NDUFAF6: variants seen among roughly 807,000 people sequenced by gnomAD.
The protein encoded by NDUFAF6 is NADH dehydrogenase (ubiquinone) complex I, assembly factor 6.
In NDUFAF6, 45 loss-of-function variants were observed where a neutral mutation model predicts 40.8. That is an observed-to-expected ratio of 1.10 (90% confidence interval 0.87 to 1.42). NDUFAF6 has a LOEUF of 1.42. Ranked by LOEUF, NDUFAF6 falls within the 40% of genes most tolerant of loss-of-function variation. The pLI is 0.00. For missense variants in NDUFAF6, 435 were observed against 418.5 expected, an observed-to-expected ratio of 1.04 and a Z score of -0.34; for synonymous variants, 185 against 155.9, an observed-to-expected ratio of 1.19 and a Z score of -1.39.
chr8:94,978,536 T>A (rs1331470503), intron 1 of NDUFAF6, among the ~76,000 whole-genome samples: 1 of 151,986 alleles, frequency 6.6e-6, no homozygotes, highest in Non-Finnish European at 1.5e-5. Context: ...GGCAACACAG[T>A]GAGACCCCAT....
intron 1 of NDUFAF6, among the ~76,000 whole-genome samples, chr8:94,932,784 A>C (rs1586699030): frequency 6.6e-6 from 1 of 151,454 alleles, no homozygotes; most frequent in African/African-American, 2.4e-5. Context: ...GCCTGGGCGA[A>C]GGAGCGAGAC....
intron 2 of NDUFAF6, among the ~76,000 whole-genome samples, chr8:94,952,873 G>T (rs116183732): frequency 6.6e-6 from 1 of 152,184 alleles, no homozygotes; most frequent in Admixed American, 6.5e-5. Context: ...AAAAGGAGGC[G>T]GGCCCCCTTC....
rs1323012330 is a variant in NDUFAF6 at position 94,967,977 on chromosome 8, A to G, written c.-199+9798A>G. ...AAAAAAGTCAGCTGGGGCTACAGTCATCTTAAGGCCAACCAGGGGAGGATT... is the reference window on the plus strand; with the variant it reads ...AAAAAAGTCAGCTGGGGCTACAGTCGTCTTAAGGCCAACCAGGGGAGGATT... On this transcript the variant is annotated intron_variant, in intron 1 of 9. Transcript: ENST00000396111. Among the ~76,000 whole-genome samples, 3 of 150,524 alleles carry G rather than the reference A, an allele frequency of 2.0e-5. No homozygotes were observed. The East Asian group carries it at 5.8e-4, about 29-fold the overall frequency.
Position 95,052,378 on chromosome 8 carries a change from G to C in NDUFAF6, c.873+148G>C, listed in dbSNP as rs924358058. ...CTCATGGCGGCTTTCATTAGTTACT[G>C]ATGCTTTTGCTGAGGGCCATTTCTG... On this transcript the variant is annotated intron_variant, in intron 8 of 8. Transcript: ENST00000396124. The C allele has an allele frequency of 1.2e-5, 10 of 852,426 alleles. No individual in the cohort carries two copies. In the African/African-American group the frequency reaches 1.2e-4, roughly 10 times the overall value. 52.8% of individuals were successfully genotyped at this position (852,426 alleles called of 1,614,324 possible).
intron 2 of NDUFAF6, among the ~76,000 whole-genome samples, chr8:94,999,617 A>G (rs1405796776): frequency 6.7e-6 from 1 of 150,258 alleles, no homozygotes; most frequent in Non-Finnish European, 1.5e-5. Context: ...GGGTTTTGCT[A>G]TGTTGGCCAG....
At chr8:94,922,901 A>G (rs1819601845) in intron 1 of NDUFAF6, among the ~76,000 whole-genome samples, 1 of 152,194 alleles carries the variant, frequency 6.6e-6, no homozygotes, top group East Asian at 1.9e-4. Context: ...GTTGCACACA[A>G]AAGAATTGCC....
intron 2 of NDUFAF6, among the ~76,000 whole-genome samples, chr8:95,094,274 G>C (rs1809364297): frequency 6.6e-6 from 1 of 151,892 alleles, no homozygotes; most frequent in African/African-American, 2.4e-5. Flanking sequence ...ACCCGACCAA[G>C]AAATACTTCC....
chr8:94,992,447 A>C (rs548677480), intron 2 of NDUFAF6, among the ~76,000 whole-genome samples: 10 of 152,276 alleles, frequency 6.6e-5, no homozygotes, highest in Non-Finnish European at 1.3e-4. Flanking sequence ...AGATTGCACC[A>C]CTGTACTCCA....
chr8:95,027,359 G>A (rs1255754861), intron 1 of NDUFAF6, among the ~76,000 whole-genome samples: 1 of 151,920 alleles, frequency 6.6e-6, no homozygotes, highest in Non-Finnish European at 1.5e-5. Flanking sequence ...AGGGAGGATT[G>A]CTTGAGCCTA....
At chr8:94,904,942 G>A (rs909690395) in intron 1 of NDUFAF6, among the ~76,000 whole-genome samples, 1 of 152,164 alleles carries the variant, frequency 6.6e-6, no homozygotes, top group Non-Finnish European at 1.5e-5. Context: ...GCTCATGCCT[G>A]TAATCCCAGC....
chr8:94,989,290 A>G (rs1344068883), intron 2 of NDUFAF6: 1 of 152,238 alleles, frequency 6.6e-6, no homozygotes, highest in African/African-American at 2.4e-5. Flanking sequence ...TTATTTTTAA[A>G]CTTAATTATT....
At chr8:94,906,681 TC>T (rs889770658) in intron 1 of NDUFAF6, among the ~76,000 whole-genome samples, 2 of 152,218 alleles carry the variant, frequency 1.3e-5, no homozygotes, top group African/African-American at 4.8e-5. Context: ...AGAGGGAGTG[TC>T]CTGGTTTAAG....
intron 2 of NDUFAF6, among the ~76,000 whole-genome samples, chr8:94,998,697 TGA>T (rs1211988166): frequency 6.6e-6 from 1 of 152,122 alleles, no homozygotes; most frequent in African/African-American, 2.4e-5. Context: ...CACAGTGCTA[TGA>T]GTAGGTCAGG....
chr8:95,081,751 C>T (rs1205727455), intron 2 of NDUFAF6, among the ~76,000 whole-genome samples: 2 of 152,172 alleles, frequency 1.3e-5, no homozygotes, highest in Non-Finnish European at 2.9e-5. Context: ...GAATTTTATC[C>T]ATGCATCTTA....
At chr8:94,952,900 T>C (rs1293213819) in intron 2 of NDUFAF6, among the ~76,000 whole-genome samples, 1 of 152,218 alleles carries the variant, frequency 6.6e-6, no homozygotes, top group Non-Finnish European at 1.5e-5. Flanking sequence ...TAACCAGTGC[T>C]AGGGGGGAGT....
At chr8:95,048,376 T>C in intron 6 of NDUFAF6, 81 bp from the exon 7 acceptor site, 1 of 941,380 alleles carries the variant, frequency 1.1e-6, no homozygotes, top group Non-Finnish European at 1.7e-6. Context: ...TTTTAATTGT[T>C]AGTTTAATTT....
chr8:94,992,356 G>T (rs752586859), intron 2 of NDUFAF6, among the ~76,000 whole-genome samples: 1 of 152,094 alleles, frequency 6.6e-6, no homozygotes, highest in Non-Finnish European at 1.5e-5. Context: ...GCATGGTGGT[G>T]TGCACCTGCA....
At position 94,933,931 on chromosome 8, in the gene NDUFAF6, C is replaced by T. The variant is rs187763687; in HGVS notation, c.-935-11552C>T. On this transcript the variant is annotated intron_variant, in intron 1 of 14. Coordinates refer to the NDUFAF6 transcript ENST00000396113. Reference sequence around the variant, plus strand: ...ACTAAAAATGCAAAAATTAGCTGGGCGTAGTGGCGGTGGCACATGCCTGTA... The same window carrying T: ...ACTAAAAATGCAAAAATTAGCTGGGTGTAGTGGCGGTGGCACATGCCTGTA... 4.2e-3 allele frequency among the ~76,000 whole-genome samples: 604 copies of T among 144,924 alleles called. 7 individuals are homozygous for T. Among genetic ancestry groups the T allele is most frequent in the African/African-American group, 0.015 (582 of 39,038 alleles).
intron 2 of NDUFAF6, among the ~76,000 whole-genome samples, chr8:94,999,124 C>CTTTTT (rs757137462): frequency 7.2e-6 from 1 of 139,414 alleles, no homozygotes; most frequent in African/African-American, 2.7e-5. Context: ...TTCCATTCTA[C>CTTTTT]TTTTTTTTTT....
Sources: gnomAD v4.1 joint callset for allele counts (sites outside exome capture counted in the v4.1 genomes callset) on GRCh38, gnomAD v4.1.1 for gene constraint, MANE v1.5 for transcripts, NCBI Gene and HGNC (gene_info 2026-07-23, HGNC 2026-07-21) for gene names.